The following P3H2 variants were observed in gnomAD, a reference collection of about 807,000 sequenced individuals.
The protein encoded by P3H2 is leprecan-like 1.
Under a neutral mutation model 87.0 loss-of-function variants are expected in P3H2, and 80 were observed. The ratio of observed to expected loss-of-function variants is 0.92; its 90% CI spans 0.77 to 1.11. The LOEUF (loss-of-function observed/expected upper bound fraction) is 1.11. Among genes scored for constraint, P3H2 ranks in the 50% least tolerant of loss-of-function variants. The pLI is 0.00. For missense variants in P3H2, 1,001 were observed against 923.9 expected, an observed-to-expected ratio of 1.08 and a Z score of -1.08; for synonymous variants, 367 against 359.3, an observed-to-expected ratio of 1.02 and a Z score of -0.24.
At chr3:190,095,883 T>G (rs111979986) in intron 1 of P3H2, among the ~76,000 whole-genome samples, 4,742 of 152,210 alleles carry the variant, frequency 0.031, 184 homozygotes, top group African/African-American at 0.099. Flanking sequence ...ATTACAGGCT[T>G]GAGCCACCGC....
rs60227697 is a variant in P3H2, at chr3:190,071,978, GTT to G, written c.480+48272_480+48273del. On this transcript the variant is annotated intron_variant, in intron 1 of 14. Coordinates refer to ENST00000319332, the MANE Select transcript of P3H2 (RefSeq NM_018192.4). ...AATGCATATTAAAACAAGATGAAGGGTTTTTTTTTTTTTTTTTTTTGAGGCAG... is the reference window on the plus strand; with the variant it reads ...AATGCATATTAAAACAAGATGAAGGGTTTTTTTTTTTTTTTTTTGAGGCAG... 8.8e-3 allele frequency among the ~76,000 whole-genome samples: 1,046 copies of G among 119,168 alleles called. 10 individuals are homozygous for G. The highest frequency in any genetic ancestry group is 0.024 in the African/African-American group (723 of 29,588). 78.2% of individuals were successfully genotyped at this position (119,168 alleles called of 152,430 possible).
chr3:190,010,549 C>T (rs1724554299), intron 1 of P3H2, among the ~76,000 whole-genome samples: 1 of 152,014 alleles, frequency 6.6e-6, no homozygotes, highest in South Asian at 2.1e-4. Context: ...AGAACGAGCA[C>T]AAACAGAGGA....
intron 1 of P3H2, among the ~76,000 whole-genome samples, chr3:190,039,579 C>T (rs987760005): frequency 2.0e-5 from 3 of 152,156 alleles, no homozygotes; most frequent in Non-Finnish European, 2.9e-5. Flanking sequence ...ATGGAGTAAC[C>T]ACTACACAGG....
intron 1 of P3H2, among the ~76,000 whole-genome samples, chr3:190,077,920 G>T: frequency 6.6e-6 from 1 of 152,134 alleles, no homozygotes; most frequent in Non-Finnish European, 1.5e-5. Context: ...AGTAATGATT[G>T]CAACTGATGA....
intron 1 of P3H2, among the ~76,000 whole-genome samples, chr3:190,007,754 G>T (rs186411576): frequency 6.6e-6 from 1 of 150,968 alleles, no homozygotes; most frequent in Non-Finnish European, 1.5e-5. Flanking sequence ...ATTAACAAAG[G>T]GTATGATGAA....
chr3:189,962,980 G>A (rs1053860297), intron 14 of P3H2, among the ~76,000 whole-genome samples: 6 of 152,344 alleles, frequency 3.9e-5, no homozygotes, highest in Admixed American at 3.9e-4. Flanking sequence ...CGATGTTTTA[G>A]ATTCCATTTC....
intron 13 of P3H2, among the ~76,000 whole-genome samples, chr3:189,968,460 T>C (rs543656253): frequency 2.6e-3 from 395 of 152,330 alleles, no homozygotes; most frequent in African/African-American, 9.2e-3. Context: ...TTCCATGGTA[T>C]ATATCTGCTA....
intron 1 of P3H2, among the ~76,000 whole-genome samples, chr3:190,042,255 T>C (rs535686665): frequency 7.9e-5 from 12 of 152,294 alleles, no homozygotes; most frequent in Admixed American, 3.9e-4. Context: ...ATATTTGATG[T>C]TTTTTGTTTA....
At chr3:189,970,745 T>C in intron 13 of P3H2, 71 bp downstream of exon 13, 1 of 876,660 alleles carries the variant, frequency 1.1e-6, no homozygotes, top group South Asian at 1.3e-5. Flanking sequence ...TAACCATCTG[T>C]AAGTACTTAG....
intron 1 of P3H2, among the ~76,000 whole-genome samples, chr3:190,066,143 G>A (rs1353771464): frequency 7.2e-6 from 1 of 138,764 alleles, no homozygotes; most frequent in Non-Finnish European, 1.5e-5. Flanking sequence ...ACTGTGGTGT[G>A]TATATATATA....
intron 1 of P3H2, among the ~76,000 whole-genome samples, chr3:190,023,026 C>CGTTT (rs1560366477): frequency 2.6e-5 from 4 of 152,028 alleles, no homozygotes; most frequent in African/African-American, 9.7e-5. Flanking sequence ...CGGTGTTTCA[C>CGTTT]CGTGTTAGCC....
chr3:190,045,888 A>G (rs532675126), intron 1 of P3H2, among the ~76,000 whole-genome samples: 72 of 152,184 alleles, frequency 4.7e-4, no homozygotes, highest in African/African-American at 1.4e-3. Context: ...TTAGGAGGCC[A>G]AGGTGGGCAG....
intron 1 of P3H2, among the ~76,000 whole-genome samples, chr3:190,008,731 T>A (rs1379115227): frequency 1.3e-5 from 2 of 152,198 alleles, no homozygotes. Flanking sequence ...CTAGAGGTTC[T>A]AAAGCTCAGG....
At chr3:190,096,217 A>G (rs1727581226) in intron 1 of P3H2, among the ~76,000 whole-genome samples, 1 of 152,218 alleles carries the variant, frequency 6.6e-6, no homozygotes, top group Non-Finnish European at 1.5e-5. Flanking sequence ...TGGGAATATT[A>G]TTCAGTGATA....
At chr3:190,059,142 G>C (rs1577301853) in intron 1 of P3H2, among the ~76,000 whole-genome samples, 1 of 152,114 alleles carries the variant, frequency 6.6e-6, no homozygotes, top group Non-Finnish European at 1.5e-5. Flanking sequence ...GGCTGCAGTA[G>C]CTTCCTACCC....
chr3:189,963,818 C>G (rs1298103408), intron 14 of P3H2, 140 bp downstream of exon 14: 2 of 818,864 alleles, frequency 2.4e-6, no homozygotes, highest in Non-Finnish European at 4.2e-6. Context: ...CTACAAACAT[C>G]TTCACTTACT....
chr3:189,976,752 T>TTAGA lies in P3H2; in HGVS notation c.1325-2071_1325-2068dup, dbSNP rs1420130357. Among the ~76,000 whole-genome samples the TTAGA allele has an allele frequency of 2.0e-5, 3 of 152,360 alleles. No individual in the cohort carries two copies. The South Asian group carries it at 6.2e-4, about 32-fold the overall frequency. On this transcript the variant is annotated intron_variant, in intron 8 of 14. Coordinates refer to ENST00000319332, the MANE Select transcript of P3H2 (RefSeq NM_018192.4). ...CACCACCTGGCTAGAAGTTGATCCCTTAGATAACCCCTAATTGCTTCTCTT... is the reference window on the plus strand; with the variant it reads ...CACCACCTGGCTAGAAGTTGATCCCTTAGATAGATAACCCCTAATTGCTTCTCTT...
At position 189,995,289 on chromosome 3, in the gene P3H2, C is replaced by T. The variant is rs749194870; in HGVS notation, c.633+1G>A. 5.0e-6 allele frequency: 8 copies of T among 1,614,078 alleles called. No individual in the cohort carries two copies. The highest frequency in any genetic ancestry group is 6.8e-6 in the Non-Finnish European group (8 of 1,179,976). ...TGAGGGCAGGGGCCCACAGAGCTTA[C>T]CATGTGTGGCTTGGCTTCTCTGTCT... On this transcript the variant is annotated splice_donor_variant, in intron 2 of 14. Transcript: ENST00000319332. LOFTEE classifies it high-confidence loss of function.
At chr3:190,111,612 G>A (rs933884398) in intron 1 of P3H2, among the ~76,000 whole-genome samples, 3 of 152,150 alleles carry the variant, frequency 2.0e-5, no homozygotes, top group African/African-American at 2.4e-5. Flanking sequence ...TTTCATCTGT[G>A]TATCAAAACC....
Sources: allele counts gnomAD v4.1 joint callset (sites outside exome capture counted in the v4.1 genomes callset), GRCh38; gene constraint gnomAD v4.1.1; transcripts MANE v1.5; gene names NCBI Gene and HGNC (gene_info 2026-07-23, HGNC 2026-07-21).